NFS1: variants seen among roughly 807,000 people sequenced by gnomAD.
NFS1 encodes the protein cysteine desulfurase.
NFS1 carries 26 observed loss-of-function variants against 57.3 expected under a neutral mutation model. That is an observed-to-expected ratio of 0.45 (90% CI 0.33 to 0.63). The LOEUF is 0.63. Among genes scored for constraint, NFS1 ranks in the 20% least tolerant of loss-of-function variants. The pLI, the probability that NFS1 is intolerant of heterozygous loss-of-function variation, is 0.02. For synonymous variants in NFS1, 209 were observed against 216.3 expected (o/e 0.97, Z 0.30); for missense variants, 505 against 605.8 (o/e 0.83, Z 1.75).
At chr20:35,681,802 C>A (rs944714864) in intron 6 of NFS1, 86 bp downstream of exon 6, 10 of 724,808 alleles carry the variant, frequency 1.4e-5, no homozygotes, top group Non-Finnish European at 2.2e-5. Flanking sequence ...CCTAACTACA[C>A]TCCATAGAGT....
rs747651441 is a variant in NFS1 at position 35,675,021 on chromosome 20, G to A, written c.948+24C>T. ...GACCCAGCACAGGGGAAGAAGTTGT[G>A]GGAGGGAACTGCTCTCCCCATACCT... On this transcript the variant is annotated intron_variant, in intron 8 of 12. Transcript: ENST00000374092. 3.1e-6 allele frequency: 5 copies of A among 1,613,622 alleles called. No individual in the cohort carries two copies. The South Asian group carries it at 5.5e-5, about 18-fold the overall frequency.
chr20:35,696,976 C>T (rs1368387380), intron 3 of NFS1, among the ~76,000 whole-genome samples: 3 of 152,154 alleles, frequency 2.0e-5, no homozygotes, highest in Non-Finnish European at 4.4e-5. Flanking sequence ...TGTGGTGGCG[C>T]ATGCCTGTAA....
rs372707380 is a variant in NFS1, at chr20:35,674,560, T to C, written c.1006A>G (p.Ser336Gly). Residue 336 changes from serine to glycine, a missense_variant, in exon 9 of 13, where the codon AGC (serine) becomes GGC (glycine). Transcript: ENST00000374092. ...CCATTCATCACCACATCTGGAAGGC[T>C]CTTCATTATATTCTGTATCAGCCGC... is the stretch of plus-strand genomic sequence containing the variant. ...SERLIQNIMK[S>G]LPDVVMNGDP... 4 of 1,614,060 alleles carry C rather than the reference T, an allele frequency of 2.5e-6. No individual in the cohort carries two copies. Among genetic ancestry groups the C allele is most frequent in the Non-Finnish European group, 3.4e-6 (4 of 1,180,032 alleles).
Position 35,691,911 on chromosome 20 carries a change from G to A in NFS1, c.409-1346C>T, listed in dbSNP as rs1181843722. Among the ~76,000 whole-genome samples the A allele has an allele frequency of 8.6e-5, 13 of 151,586 alleles. No individual in the cohort carries two copies. The South Asian group carries it at 1.3e-3, about 15-fold the overall frequency. ...TAAAAATACAAAAATGGCCAGGCGC[G>A]GTGGCTCACACCTGTAATTCCAACA... On this transcript the variant is annotated intron_variant, in intron 4 of 12. Transcript: ENST00000374092.
chr20:35,689,089 AAGG>A (rs1418786426), intron 5 of NFS1, among the ~76,000 whole-genome samples: 3 of 152,198 alleles, frequency 2.0e-5, no homozygotes, highest in African/African-American at 7.2e-5. Context: ...CAGTGCAGGG[AAGG>A]AGGAGGCCAG....
intron 4 of NFS1, among the ~76,000 whole-genome samples, chr20:35,692,527 TAAAAAAAAAAAAAAA>T (rs61052129): frequency 1.9e-4 from 8 of 42,746 alleles, no homozygotes; most frequent in Admixed American, 7.0e-4. Flanking sequence ...TCATCTATAC[TAAAAAAAAAAAAAAA>T]AAAAAAAAAA....
rs1041815149 is a variant in NFS1, at chr20:35,676,830, G to A, written c.791-1628C>T. On this transcript the variant is annotated intron_variant, in intron 7 of 12. Coordinates refer to ENST00000374092, the MANE Select transcript of NFS1 (RefSeq NM_021100.5). ...CCCAGAAGGGAACTGCATAGCTGGA[G>A]GTCAGAGGTGAGAGGCAGACTTTTG... 4.0e-5 allele frequency among the ~76,000 whole-genome samples: 6 copies of A among 148,914 alleles called. No homozygotes were observed. In the South Asian group the frequency reaches 1.3e-3, roughly 32 times the overall value.
intron 7 of NFS1, 37 bp downstream of exon 7, chr20:35,680,700 A>C (rs2034833191): frequency 7.0e-7 from 1 of 1,437,934 alleles, no homozygotes. Context: ...TCTTGCTGGA[A>C]GGTACAGAGA....
In NFS1 at chr20:35,669,616, A is replaced by G. The variant is rs781717767; in HGVS notation, c.*6T>C. ...CAGACCAGCACAAAGTCAGGGCCCT[A>G]TTCTTCTAGTGTTGGGTCCACTTGA... On this transcript the variant is annotated 3_prime_UTR_variant, in exon 13 of 13. Transcript: ENST00000374092. 22 of 1,613,932 alleles carry G rather than the reference A, an allele frequency of 1.4e-5. 1 individual carries two copies. Among genetic ancestry groups the G allele is most frequent in the South Asian group, 1.2e-4 (11 of 91,080 alleles).
At position 35,690,502 on chromosome 20, in the gene NFS1, A is replaced by G. The variant is rs2035024286; in HGVS notation, c.472T>C (p.Cys158Arg). 1.2e-6 allele frequency: 2 copies of G among 1,613,892 alleles called. No homozygotes were observed. The highest frequency in any genetic ancestry group is 2.7e-5 in the African/African-American group (2 of 74,950). ...HLITTQTEHK[C>R]VLDSCRSLEA... ...AGTGAACGGCAGGAGTCCAAGACAC[A>G]TTTGTGTTCTGTCTGGGTGGTGATC... The change falls in exon 5 of 13, where the codon TGT (cysteine) becomes CGT (arginine). Residue 158 changes from cysteine to arginine, a missense_variant. Physicochemically the swap from Cys to Arg is radical, Grantham distance 180 (BLOSUM62 -3). Coordinates refer to ENST00000374092, the MANE Select transcript of NFS1 (RefSeq NM_021100.5).
chr20:35,685,866 A>G (rs2034931284), intron 5 of NFS1, among the ~76,000 whole-genome samples: 1 of 123,814 alleles, frequency 8.1e-6, no homozygotes, highest in East Asian at 2.2e-4. Context: ...ACCCCCCCGC[A>G]AAAAAAAAAA....
chr20:35,699,201 G>T lies in NFS1; in HGVS notation c.88C>A (p.Arg30Ser). ...PKPAAPTRGL[R>S]LRVGDRAPQS... Reference sequence around the variant, plus strand: ...CGGGACCCGAGCGTACCGCGCAGGCGCAGCCCCCGAGTGGGCGCCGCGGGC... The same window carrying T: ...CGGGACCCGAGCGTACCGCGCAGGCTCAGCCCCCGAGTGGGCGCCGCGGGC... The change falls in exon 1 of 13, where the codon CGC (arginine) becomes AGC (serine). Residue 30 changes from arginine (R) to serine (S), a missense_variant. Coordinates refer to ENST00000374092, the MANE Select transcript of NFS1 (RefSeq NM_021100.5). This position sits in a 1 kb window ranked among gnomAD's most constrained non-coding sequence, Gnocchi z 4.4. 7.1e-7 allele frequency: 1 copy of T among 1,414,218 alleles called. No homozygotes were observed. The highest frequency in any genetic ancestry group is 2.9e-5 in the East Asian group (1 of 34,122). 87.6% of individuals were successfully genotyped at this position (1,414,218 alleles called of 1,614,324 possible). A position where few individuals can be genotyped will look rare whatever the true frequency, so the allele number is the denominator to read the frequency against.
At chr20:35,675,997 A>G (rs1020997271) in intron 7 of NFS1, 1 of 152,248 alleles carries the variant, frequency 6.6e-6, no homozygotes, top group African/African-American at 2.4e-5. Context: ...AAAAACAAAG[A>G]TGTATTGGCC....
intron 5 of NFS1, among the ~76,000 whole-genome samples, chr20:35,685,646 G>A (rs906686621): frequency 2.7e-5 from 4 of 148,728 alleles, no homozygotes; most frequent in Non-Finnish European, 5.9e-5. Flanking sequence ...ATCACCTGAG[G>A]TCAGGCACTT....
intron 9 of NFS1, 39 bp downstream of exon 9, chr20:35,674,473 G>T (rs1406582636): frequency 6.2e-7 from 1 of 1,608,812 alleles, no homozygotes; most frequent in Non-Finnish European, 8.5e-7. Flanking sequence ...CAGAGTCTCA[G>T]CCTCTACCAG....
At chr20:35,677,935 C>G (rs929545808) in intron 7 of NFS1, among the ~76,000 whole-genome samples, 6 of 152,094 alleles carry the variant, frequency 3.9e-5, no homozygotes. Flanking sequence ...AGGCATTGGG[C>G]CGGGCACGGG....
chr20:35,695,726 A>T (rs568175190), intron 4 of NFS1, among the ~76,000 whole-genome samples: 1 of 152,094 alleles, frequency 6.6e-6, no homozygotes, highest in Non-Finnish European at 1.5e-5. Flanking sequence ...TCACATATAT[A>T]ACTTGTTGTT....
chr20:35,698,896 T>C lies in NFS1; in HGVS notation c.97+296A>G. 4.5e-6 allele frequency: 6 copies of C among 1,322,156 alleles called. No individual in the cohort carries two copies. In the East Asian group the frequency reaches 1.9e-4, roughly 42 times the overall value. The allele number at this position is 1,322,156 out of a possible 1,614,324, so 81.9% of individuals were successfully genotyped here. A position where few individuals can be genotyped will look rare whatever the true frequency, so the allele number is the denominator to read the frequency against. Reference sequence around the variant, plus strand: ...GAGCCAGAGTAGGTGCAGTCCCTTCTGACCGAAGGTAACGGTCTGCACGGG... The same window carrying C: ...GAGCCAGAGTAGGTGCAGTCCCTTCCGACCGAAGGTAACGGTCTGCACGGG... On this transcript the variant is annotated intron_variant, in intron 1 of 12. Coordinates refer to ENST00000374092, the MANE Select transcript of NFS1 (RefSeq NM_021100.5).
chr20:35,684,384 G>GGAGA (rs1294813340), intron 5 of NFS1, among the ~76,000 whole-genome samples: 1 of 145,234 alleles, frequency 6.9e-6, no homozygotes, highest in African/African-American at 2.6e-5. Flanking sequence ...CTCCAGCCTG[G>GGAGA]GAGACAGAGC....
Sources: allele counts gnomAD v4.1 joint callset (sites outside exome capture counted in the v4.1 genomes callset), GRCh38; gene constraint gnomAD v4.1.1; non-coding constraint Gnocchi (gnomAD v3.1); transcripts MANE v1.5; gene names NCBI Gene and HGNC (gene_info 2026-07-23, HGNC 2026-07-21).